Variants in CACNA1C observed in about 807,000 individuals in gnomAD.
CACNA1C encodes calcium voltage-gated channel subunit alpha1 C.
A neutral mutation model predicts 229.0 loss-of-function variants in CACNA1C; 30 were observed. The observed-to-expected ratio is 0.13, with a 90% confidence interval of 0.10 to 0.18. The LOEUF (loss-of-function observed/expected upper bound fraction) is 0.18, where lower values mean the gene tolerates loss of function less well. Ranked by LOEUF, CACNA1C falls within the 10% of genes least tolerant of loss-of-function variation. CACNA1C has a pLI of 1.00. For missense variants in CACNA1C, 1,658 were observed against 2,845.0 expected, an observed-to-expected ratio of 0.58 and a Z score of 9.49; for synonymous variants, 1,114 against 1,132.5, an observed-to-expected ratio of 0.98 and a Z score of 0.33.
At chr12:2,295,157 T>G (rs2093921597) in intron 3 of CACNA1C, among the ~76,000 whole-genome samples, 1 of 152,108 alleles carries the variant, frequency 6.6e-6, no homozygotes, top group African/African-American at 2.4e-5. Context: ...TGCCCTTCAG[T>G]CCCCTTGTGA....
chr12:2,377,693 C>A (rs142606367), intron 3 of CACNA1C, among the ~76,000 whole-genome samples: 1 of 152,104 alleles, frequency 6.6e-6, no homozygotes. Context: ...AAAGGTGGGG[C>A]GTATTATCCC....
intron 3 of CACNA1C, among the ~76,000 whole-genome samples, chr12:2,169,075 T>G (rs561228728): frequency 2.6e-5 from 4 of 152,218 alleles, no homozygotes; most frequent in Admixed American, 6.5e-5. Flanking sequence ...CACATTTTTC[T>G]GTGCTTTGCC....
chr12:2,233,319 A>G (rs1185936434), intron 3 of CACNA1C, among the ~76,000 whole-genome samples: 3 of 152,226 alleles, frequency 2.0e-5, no homozygotes, highest in Non-Finnish European at 4.4e-5. Flanking sequence ...AATCAGTGTT[A>G]TCCTTTCACT....
At chr12:2,286,795 C>A (rs1295245170) in intron 3 of CACNA1C, among the ~76,000 whole-genome samples, 1 of 152,182 alleles carries the variant, frequency 6.6e-6, no homozygotes, top group Non-Finnish European at 1.5e-5. Context: ...ATGCTTACAA[C>A]TTTTATGTTT....
chr12:2,622,373 C>T (rs1047936411), intron 29 of CACNA1C, among the ~76,000 whole-genome samples: 1 of 152,168 alleles, frequency 6.6e-6, no homozygotes, highest in Non-Finnish European at 1.5e-5. Flanking sequence ...ACTGCATAAT[C>T]TGATCTGGGG....
intron 10 of CACNA1C, among the ~76,000 whole-genome samples, chr12:2,553,599 G>A (rs983444052): frequency 6.6e-6 from 1 of 152,228 alleles, no homozygotes; most frequent in Admixed American, 6.5e-5. Context: ...CGTATTTTTG[G>A]CAGACTCTGA....
At chr12:2,176,002 A>G (rs1040759537) in intron 3 of CACNA1C, among the ~76,000 whole-genome samples, 5 of 152,200 alleles carry the variant, frequency 3.3e-5, no homozygotes, top group African/African-American at 7.2e-5. Context: ...TTACATTCCA[A>G]TGGGGGAAGA....
At chr12:2,246,998 A>G (rs2073601794) in intron 3 of CACNA1C, among the ~76,000 whole-genome samples, 1 of 152,210 alleles carries the variant, frequency 6.6e-6, no homozygotes, top group Non-Finnish European at 1.5e-5. Flanking sequence ...ACTCCCCGAT[A>G]GGTAGAATTA....
intron 22 of CACNA1C, among the ~76,000 whole-genome samples, chr12:2,603,063 G>A (rs969567924): frequency 1.3e-5 from 2 of 152,112 alleles, no homozygotes; most frequent in Non-Finnish European, 2.9e-5. Flanking sequence ...GATCATGCAG[G>A]GACCAGGACC....
At chr12:1,993,151 AC>A (rs768665990) in intron 1 of CACNA1C, 18 of 1,368,176 alleles carry the variant, frequency 1.3e-5, no homozygotes, top group Middle Eastern at 1.8e-4. Flanking sequence ...AAATGCTGAC[AC>A]CCCCCATAGC....
intron 4 of CACNA1C, among the ~76,000 whole-genome samples, chr12:2,456,915 G>T (rs945110320): frequency 6.6e-6 from 1 of 152,366 alleles, no homozygotes; most frequent in Non-Finnish European, 1.5e-5. Flanking sequence ...GCACACCGCA[G>T]GTGTTCTTGT....
intron 5 of CACNA1C, among the ~76,000 whole-genome samples, chr12:2,482,463 G>A (rs987851006): frequency 6.6e-6 from 1 of 152,186 alleles, no homozygotes; most frequent in African/African-American, 2.4e-5. Context: ...CACTGCTCTG[G>A]ACCCACTCTT....
chr12:2,463,085 G>C (rs986739141), intron 5 of CACNA1C, among the ~76,000 whole-genome samples: 1 of 42,390 alleles, frequency 2.4e-5, no homozygotes, highest in Non-Finnish European at 4.3e-5. Flanking sequence ...GCTAATTTTT[G>C]TATTTTTAGT....
intron 3 of CACNA1C, among the ~76,000 whole-genome samples, chr12:2,421,577 C>G (rs1021730555): frequency 4.6e-5 from 7 of 152,162 alleles, no homozygotes; most frequent in African/African-American, 1.7e-4. Flanking sequence ...GTCAGGTGAG[C>G]CTGCTAAGTT....
rs12316784 is a variant in CACNA1C, at chr12:2,579,442, C to T, written c.1896-2148C>T. On this transcript the variant is annotated intron_variant, in intron 13 of 46. Coordinates refer to ENST00000399655, the MANE Select transcript of CACNA1C (RefSeq NM_000719.7). ...GTGTATTGGCAGGTGTTGGACTGGT[C>T]GCCTGAGGATTACCCCAGCCCCAGA... Among the ~76,000 whole-genome samples the T allele has an allele frequency of 7.3e-3, 1,112 of 152,076 alleles. 12 individuals carry two copies. Among genetic ancestry groups the T allele is most frequent in the African/African-American group, 0.025 (1,028 of 41,434 alleles).
At chr12:2,007,969 A>G (rs1405481897) in intron 1 of CACNA1C, among the ~76,000 whole-genome samples, 1 of 152,258 alleles carries the variant, frequency 6.6e-6, no homozygotes, top group Non-Finnish European at 1.5e-5. Flanking sequence ...TCTAAAAAAA[A>G]ACAGTCATTG....
rs369638898 is a variant in CACNA1C, at chr12:2,581,762, G to A, written c.2068G>A (p.Asp690Asn). The A allele has an allele frequency of 2.0e-5, 33 of 1,612,170 alleles. No homozygotes were observed. Among genetic ancestry groups the A allele is most frequent in the Middle Eastern group, 1.6e-4 (1 of 6,068 alleles). ...GATGCAGACCCGGAGGAGCACATTC[G>A]ATAACTTCCCCCAGTCCCTCCTCAC... ...DEMQTRRSTFDNFPQSLLTVF... is the reference protein window; with the variant it reads ...DEMQTRRSTFNNFPQSLLTVF... The change falls in exon 14 of 47, where the codon GAT (aspartate) becomes AAT (asparagine). Residue 690 changes from aspartate to asparagine, a missense_variant. Around this residue, in one of 20 missense-constraint regions of CACNA1C, gnomAD observed 30 missense variants for 73.2 expected, o/e 0.41. Transcript: ENST00000399655.
chr12:2,463,026 C>G (rs1448788849), intron 5 of CACNA1C, among the ~76,000 whole-genome samples: 1 of 150,646 alleles, frequency 6.6e-6, no homozygotes, highest in Non-Finnish European at 1.5e-5. Flanking sequence ...CATTCTCCTG[C>G]TTCAGCCTCC....
intron 29 of CACNA1C, among the ~76,000 whole-genome samples, chr12:2,624,958 G>A (rs1365438850): frequency 6.6e-6 from 1 of 152,170 alleles, no homozygotes; most frequent in Non-Finnish European, 1.5e-5. Context: ...AGAATTCAGA[G>A]GCCAAAGCTG....
Sources: gnomAD v4.1 joint callset for allele counts (sites outside exome capture counted in the v4.1 genomes callset) on GRCh38, gnomAD v4.1.1 for gene constraint, gnomAD v4.1.1 regional missense constraint, MANE v1.5 for transcripts, NCBI Gene and HGNC (gene_info 2026-07-23, HGNC 2026-07-21) for gene names.